Variants in ADCY1 observed in about 807,000 individuals in gnomAD.
ADCY1 encodes adenylate cyclase type 1.
In ADCY1, 28 loss-of-function variants were observed where a neutral mutation model predicts 105.4. The ratio of observed to expected loss-of-function variants is 0.27; its 90% CI spans 0.20 to 0.36. The LOEUF is 0.36. Ranked by LOEUF, ADCY1 falls within the 10% of genes least tolerant of loss-of-function variation. The pLI is 1.00. For missense variants in ADCY1, 977 were observed against 1,434.2 expected (o/e 0.68, Z 5.15); for synonymous variants, 655 against 623.8 (o/e 1.05, Z -0.75).
chr7:45,713,134 C>T lies in ADCY1; in HGVS notation c.3058-559C>T, dbSNP rs1785295546. On this transcript the variant is annotated intron_variant, in intron 19 of 19. Coordinates refer to ENST00000297323, the MANE Select transcript of ADCY1 (RefSeq NM_021116.4). ...TCCAGCTGAGGGGGGTACCTTCTGCCCCCTACATTCTGTATGCCCTACTTG... is the reference window on the plus strand; with the variant it reads ...TCCAGCTGAGGGGGGTACCTTCTGCTCCCTACATTCTGTATGCCCTACTTG... Among the ~76,000 whole-genome samples the T allele has an allele frequency of 3.9e-5, 6 of 152,266 alleles. No individual in the cohort carries two copies. In the South Asian group the frequency reaches 1.0e-3, roughly 26 times the overall value.
chr7:45,672,822 G>A (rs1445936363), intron 8 of ADCY1, among the ~76,000 whole-genome samples: 1 of 150,798 alleles, frequency 6.6e-6, no homozygotes, highest in Non-Finnish European at 1.5e-5. Flanking sequence ...TTATTGCACT[G>A]GCTGGGGTTT....
intron 3 of ADCY1, among the ~76,000 whole-genome samples, chr7:45,618,436 G>A (rs1314798359): frequency 6.6e-6 from 1 of 152,162 alleles, no homozygotes; most frequent in Non-Finnish European, 1.5e-5. Context: ...AGAGTGAATA[G>A]ACAACAGAAG....
At chr7:45,654,188 G>T (rs776515994) in intron 5 of ADCY1, among the ~76,000 whole-genome samples, 10 of 152,204 alleles carry the variant, frequency 6.6e-5, no homozygotes, top group Non-Finnish European at 1.3e-4. Flanking sequence ...ACATGGTTCT[G>T]TGTACCCATA....
chr7:45,714,954 G>A lies in ADCY1; in HGVS notation c.*959G>A, dbSNP rs569738306. 1 of 152,342 alleles carries A rather than the reference G, an allele frequency of 6.6e-6. No homozygotes were observed. Among genetic ancestry groups the A allele is most frequent in the Admixed American group, 6.5e-5 (1 of 15,300 alleles). The allele number at this position is 152,342 out of a possible 1,614,324, so 9.4% of individuals were successfully genotyped here. A position where few individuals can be genotyped will look rare whatever the true frequency, so the allele number is the denominator to read the frequency against. Reference sequence around the variant, plus strand: ...CCACTTCTGTTGAATATGAGCGGCTGTCACACCCATGAGCAAGTTTCCTTG... The same window carrying A: ...CCACTTCTGTTGAATATGAGCGGCTATCACACCCATGAGCAAGTTTCCTTG... On this transcript the variant is annotated 3_prime_UTR_variant, in exon 20 of 20. Coordinates refer to ENST00000297323, the MANE Select transcript of ADCY1 (RefSeq NM_021116.4).
In ADCY1 at chr7:45,575,035, G is replaced by T; in HGVS notation, c.492G>T (p.Trp164Cys). 1 of 1,612,542 alleles carries T rather than the reference G, an allele frequency of 6.2e-7. No individual in the cohort carries two copies. Among genetic ancestry groups the T allele is most frequent in the Non-Finnish European group, 8.5e-7 (1 of 1,179,802 alleles). Residue 164 changes from tryptophan to cysteine, a missense_variant, in exon 1 of 20, where the codon TGG becomes TGT. Physicochemically the swap from Trp to Cys is radical, Grantham distance 215. Coordinates refer to ENST00000297323, the MANE Select transcript of ADCY1 (RefSeq NM_021116.4). The surrounding 1 kb of genome is among the most constrained non-coding windows in gnomAD (Gnocchi z 4.7). Reference protein sequence around the residue: ...GGPATAEQGVWQLLLVTFVSY... With the variant: ...GGPATAEQGVCQLLLVTFVSY... ...CAGCGACCGCCGAACAAGGGGTTTGGCAGCTCCTTTTGGTCACCTTCGTGT... is the reference window on the plus strand; with the variant it reads ...CAGCGACCGCCGAACAAGGGGTTTGTCAGCTCCTTTTGGTCACCTTCGTGT...
intron 5 of ADCY1, among the ~76,000 whole-genome samples, chr7:45,652,453 G>T (rs1395657014): frequency 6.6e-6 from 1 of 152,218 alleles, no homozygotes; most frequent in African/African-American, 2.4e-5. Flanking sequence ...GCAGGTGCAG[G>T]CAAGCATGCA....
At chr7:45,711,912 A>AAATATATTATATATTATATTAAATATAT (rs1785251410) in intron 19 of ADCY1, among the ~76,000 whole-genome samples, 2 of 44,528 alleles carry the variant, frequency 4.5e-5, no homozygotes, top group Non-Finnish European at 1.1e-4. Context: ...TTAAATATAT[A>AAATATATTATATATTATATTAAATATAT]AATATATTAT....
chr7:45,719,510 A>G lies in ADCY1; in HGVS notation c.*5515A>G, dbSNP rs1785426516. ...CATGCCATTGTGAAATAATGCATATATTTGTATTTTTAAATTTCCCTGAAA... is the reference window on the plus strand; with the variant it reads ...CATGCCATTGTGAAATAATGCATATGTTTGTATTTTTAAATTTCCCTGAAA... On this transcript the variant is annotated 3_prime_UTR_variant, in exon 20 of 20. Coordinates refer to ENST00000297323, the MANE Select transcript of ADCY1 (RefSeq NM_021116.4). The G allele has an allele frequency of 6.6e-6, 1 of 152,190 alleles. No homozygotes were observed. Among genetic ancestry groups the G allele is most frequent in the Non-Finnish European group, 1.5e-5 (1 of 68,034 alleles). 9.4% of individuals were successfully genotyped at this position (152,190 alleles called of 1,614,324 possible).
At chr7:45,667,661 G>A (rs549215634) in intron 8 of ADCY1, among the ~76,000 whole-genome samples, 59 of 152,220 alleles carry the variant, frequency 3.9e-4, no homozygotes, top group Middle Eastern at 6.8e-3. Flanking sequence ...TTCCAATTCT[G>A]TGAAGAAAGT....
chr7:45,628,981 A>T (rs542574808), intron 4 of ADCY1, among the ~76,000 whole-genome samples: 1 of 152,166 alleles, frequency 6.6e-6, no homozygotes, highest in Non-Finnish European at 1.5e-5. Flanking sequence ...AATGAGCTGC[A>T]TATGTGTACG....
rs754057012 is a variant in ADCY1, at chr7:45,698,201, T to C, written c.2455-5175T>C. 2.0e-5 allele frequency among the ~76,000 whole-genome samples: 3 copies of C among 151,992 alleles called. No homozygotes were observed. In the East Asian group the frequency reaches 5.8e-4, roughly 29 times the overall value. On this transcript the variant is annotated intron_variant, in intron 14 of 19. Coordinates refer to ENST00000297323, the MANE Select transcript of ADCY1 (RefSeq NM_021116.4). ...CACACACACACACATACACCACTTA[T>C]GGACTTCCTAGGGCAGTGTGGAACA...
rs931442771 is a variant in ADCY1 at position 45,575,298 on chromosome 7, C to A, written c.639+116C>A. 4 of 1,319,478 alleles carry A rather than the reference C, an allele frequency of 3.0e-6. No individual in the cohort carries two copies. The highest frequency in any genetic ancestry group is 4.0e-6 in the Non-Finnish European group (4 of 989,214). 81.7% of individuals were successfully genotyped at this position (1,319,478 alleles called of 1,614,324 possible). A position where few individuals can be genotyped will look rare whatever the true frequency, so the allele number is the denominator to read the frequency against. On this transcript the variant is annotated intron_variant, in intron 1 of 19. Coordinates refer to ENST00000297323, the MANE Select transcript of ADCY1 (RefSeq NM_021116.4). The surrounding 1 kb of genome is among the most constrained non-coding windows in gnomAD (Gnocchi z 4.7). ...TGCGGCGGGTGGGGACACTGAGGCT[C>A]CGAGTGGGGGTGTGTTCAAGGTCAC...
At chr7:45,600,443 G>C (rs1030280458) in intron 2 of ADCY1, among the ~76,000 whole-genome samples, 2 of 152,234 alleles carry the variant, frequency 1.3e-5, no homozygotes, top group African/African-American at 4.8e-5. Flanking sequence ...GACCCCACTC[G>C]CTGAGGAAGA....
intron 4 of ADCY1, among the ~76,000 whole-genome samples, chr7:45,632,176 A>G (rs1434356654): frequency 1.2e-4 from 19 of 152,160 alleles, no homozygotes; most frequent in Admixed American, 1.2e-3. Context: ...CCATTAACCT[A>G]TGTGTTTATC....
intron 2 of ADCY1, among the ~76,000 whole-genome samples, chr7:45,607,783 T>G (rs1312565959): frequency 6.6e-6 from 1 of 151,960 alleles, no homozygotes; most frequent in Non-Finnish European, 1.5e-5. Context: ...TCATTCTTTT[T>G]TATGGCTGCA....
At position 45,585,228 on chromosome 7, in the gene ADCY1, C is replaced by T. The variant is rs571399471; in HGVS notation, c.640-7531C>T. Among the ~76,000 whole-genome samples, 4 of 152,356 alleles carry T rather than the reference C, an allele frequency of 2.6e-5. No homozygotes were observed. The South Asian group carries it at 8.3e-4, about 32-fold the overall frequency. On this transcript the variant is annotated intron_variant, in intron 1 of 19. Coordinates refer to ENST00000297323, the MANE Select transcript of ADCY1 (RefSeq NM_021116.4). Reference sequence around the variant, plus strand: ...ACTTGTTTTCTGTGACAGCTGTTTTCTCAAACCCTACCTGCCCTGCAGTGT... The same window carrying T: ...ACTTGTTTTCTGTGACAGCTGTTTTTTCAAACCCTACCTGCCCTGCAGTGT...
chr7:45,630,562 C>T (rs571651308), intron 4 of ADCY1, among the ~76,000 whole-genome samples: 4 of 152,250 alleles, frequency 2.6e-5, no homozygotes, highest in South Asian at 2.1e-4. Context: ...TGTTGGAATT[C>T]CTTGGCTTGT....
At position 45,686,939 on chromosome 7, in the gene ADCY1, G is replaced by T. The variant is rs544766238; in HGVS notation, c.2454+266G>T. 6.6e-6 allele frequency among the ~76,000 whole-genome samples: 1 copy of T among 152,182 alleles called. No homozygotes were observed. The highest frequency in any genetic ancestry group is 2.4e-5 in the African/African-American group (1 of 41,438). On this transcript the variant is annotated intron_variant, in intron 14 of 19. Transcript: ENST00000297323. The surrounding 1 kb of genome is among the most constrained non-coding windows in gnomAD (Gnocchi z 4.3). ...TGGAGACCTGCCTGATGGTCAGAGC[G>T]TGGCTCTTTCACGAGGCAGTGAGTC... is the stretch of plus-strand genomic sequence containing the variant.
intron 2 of ADCY1, among the ~76,000 whole-genome samples, chr7:45,602,257 G>T (rs1179607707): frequency 1.3e-5 from 2 of 151,842 alleles, no homozygotes; most frequent in Non-Finnish European, 2.9e-5. Flanking sequence ...GGGGCTTCAG[G>T]GTGTTCATGG....
Sources: gnomAD v4.1 joint callset for allele counts (sites outside exome capture counted in the v4.1 genomes callset) on GRCh38, gnomAD v4.1.1 for gene constraint, Gnocchi (gnomAD v3.1) non-coding constraint, MANE v1.5 for transcripts, NCBI Gene and HGNC (gene_info 2026-07-23, HGNC 2026-07-21) for gene names.